RBFOX1: variants seen among roughly 807,000 people sequenced by gnomAD.
The protein encoded by RBFOX1 is RNA binding fox-1 homolog 1.
A neutral mutation model predicts 57.7 loss-of-function variants in RBFOX1; 8 were observed. That is an observed-to-expected ratio of 0.14 (90% CI 0.08 to 0.25). RBFOX1 has a LOEUF of 0.25. Ranked by LOEUF, RBFOX1 falls within the 10% of genes least tolerant of loss-of-function variation. The pLI, the probability that RBFOX1 is intolerant of heterozygous loss-of-function variation, is 1.00. For synonymous variants in RBFOX1, 326 were observed against 222.4 expected (o/e 1.47, Z -4.15); for missense variants, 611 against 548.5 (o/e 1.11, Z -1.14).
At chr16:6,576,357 G>A (rs950459312) in intron 2 of RBFOX1, among the ~76,000 whole-genome samples, 1 of 152,190 alleles carries the variant, frequency 6.6e-6, no homozygotes, top group Non-Finnish European at 1.5e-5. Context: ...GGAAACCGGA[G>A]TACCCGGAGA....
chr16:6,231,029 T>A (rs1032333742), intron 1 of RBFOX1, among the ~76,000 whole-genome samples: 1 of 152,088 alleles, frequency 6.6e-6, no homozygotes, highest in Non-Finnish European at 1.5e-5. Flanking sequence ...TTGTGGTACA[T>A]GTTAGGTATG....
intron 1 of RBFOX1, among the ~76,000 whole-genome samples, chr16:5,358,696 G>A (rs1032617744): frequency 1.3e-5 from 2 of 152,154 alleles, no homozygotes; most frequent in Admixed American, 1.3e-4. Flanking sequence ...GGTGGCGCAT[G>A]TATGCCTATA....
chr16:6,805,152 C>T (rs964705162), intron 3 of RBFOX1, among the ~76,000 whole-genome samples: 1 of 152,050 alleles, frequency 6.6e-6, no homozygotes, highest in South Asian at 2.1e-4. Context: ...AAAGGCCCAG[C>T]AATAACAGAT....
At chr16:6,568,432 C>T (rs539158158) in intron 2 of RBFOX1, among the ~76,000 whole-genome samples, 10 of 152,092 alleles carry the variant, frequency 6.6e-5, no homozygotes, top group East Asian at 3.9e-4. Flanking sequence ...ACAGAGAAAG[C>T]GGGGAGAGAA....
intron 2 of RBFOX1, among the ~76,000 whole-genome samples, chr16:6,477,038 C>T (rs372602762): frequency 2.0e-5 from 3 of 152,204 alleles, no homozygotes; most frequent in South Asian, 2.1e-4. Context: ...GTTGCCTCTT[C>T]AGGCTCCACT....
At chr16:7,091,657 T>A (rs554172800) in intron 4 of RBFOX1, among the ~76,000 whole-genome samples, 2 of 152,228 alleles carry the variant, frequency 1.3e-5, no homozygotes, top group African/African-American at 2.4e-5. Context: ...CAGCCTGCTG[T>A]AAGCAAACTT....
intron 4 of RBFOX1, among the ~76,000 whole-genome samples, chr16:7,200,385 A>G (rs986657172): frequency 6.6e-6 from 1 of 152,236 alleles, no homozygotes; most frequent in Non-Finnish European, 1.5e-5. Flanking sequence ...ATCGTTAAGT[A>G]TCATCTTAGA....
At chr16:7,164,678 C>A (rs991891483) in intron 4 of RBFOX1, among the ~76,000 whole-genome samples, 1 of 152,170 alleles carries the variant, frequency 6.6e-6, no homozygotes, top group Non-Finnish European at 1.5e-5. Context: ...ATTTCAAAAT[C>A]GTGTGCACAT....
chr16:6,487,700 A>AATATATATAT (rs1277585706), intron 2 of RBFOX1, among the ~76,000 whole-genome samples: 1 of 16,282 alleles, frequency 6.1e-5, no homozygotes. Context: ...AAAAAAAAAA[A>AATATATATAT]ATATATATAT....
intron 3 of RBFOX1, among the ~76,000 whole-genome samples, chr16:5,733,238 T>A (rs2052447925): frequency 6.6e-6 from 1 of 152,200 alleles, no homozygotes; most frequent in Non-Finnish European, 1.5e-5. Flanking sequence ...TTTCTAAACT[T>A]TCACTTTGGC....
At chr16:7,063,987 A>G (rs1475909605) in intron 4 of RBFOX1, among the ~76,000 whole-genome samples, 3 of 152,174 alleles carry the variant, frequency 2.0e-5, no homozygotes, top group Admixed American at 6.5e-5. Flanking sequence ...AGGAACAACT[A>G]TACTAAATTA....
chr16:7,371,842 A>G (rs1327965310), intron 4 of RBFOX1, among the ~76,000 whole-genome samples: 1 of 152,238 alleles, frequency 6.6e-6, no homozygotes, highest in East Asian at 1.9e-4. Context: ...AAGCCACATC[A>G]GTCTAAATGC....
At chr16:6,284,869 A>T (rs796904403) in intron 1 of RBFOX1, among the ~76,000 whole-genome samples, 2 of 152,294 alleles carry the variant, frequency 1.3e-5, no homozygotes, top group African/African-American at 4.8e-5. Flanking sequence ...TCTTCTCATT[A>T]AAGGCTTATT....
rs1335330832 is a variant in RBFOX1 at position 6,054,470 on chromosome 16, A to C, written c.-127+34478A>C. ...GTTTCCTGTCTTTCCCACTTGACAG[A>C]CTAACTCCGGCTTTGAGAGTAAATG... On this transcript the variant is annotated intron_variant, in intron 1 of 15. Coordinates refer to ENST00000550418, the MANE Select transcript of RBFOX1 (RefSeq NM_018723.4). 2.0e-5 allele frequency among the ~76,000 whole-genome samples: 3 copies of C among 152,194 alleles called. No individual in the cohort carries two copies. In the East Asian group the frequency reaches 5.8e-4, roughly 29 times the overall value.
intron 3 of RBFOX1, among the ~76,000 whole-genome samples, chr16:5,805,207 G>C (rs577899152): frequency 1.3e-5 from 2 of 152,254 alleles, no homozygotes; most frequent in South Asian, 2.1e-4. Flanking sequence ...GAAACACTGT[G>C]TTCAGCCCTG....
chr16:7,072,765 C>T (rs891803432), intron 4 of RBFOX1, among the ~76,000 whole-genome samples: 1 of 152,224 alleles, frequency 6.6e-6, no homozygotes, highest in South Asian at 2.1e-4. Context: ...CAGCACAGAG[C>T]TGTGATCCTT....
chr16:5,643,094 G>T (rs2151335204), intron 3 of RBFOX1, among the ~76,000 whole-genome samples: 2 of 152,240 alleles, frequency 1.3e-5, no homozygotes, highest in Middle Eastern at 3.4e-3. Flanking sequence ...GAGGCTCCGT[G>T]TTAACCTCTA....
intron 2 of RBFOX1, among the ~76,000 whole-genome samples, chr16:6,645,859 G>C (rs903127509): frequency 6.6e-6 from 1 of 152,088 alleles, no homozygotes; most frequent in Non-Finnish European, 1.5e-5. Context: ...CTTACAAATA[G>C]GGAAAGTGAG....
intron 2 of RBFOX1, among the ~76,000 whole-genome samples, chr16:5,482,033 A>G (rs1016054941): frequency 6.6e-6 from 1 of 152,204 alleles, no homozygotes; most frequent in Non-Finnish European, 1.5e-5. Flanking sequence ...TCAGCCCATA[A>G]CAGCCTCTTC....
Sources: allele counts gnomAD v4.1 joint callset (sites outside exome capture counted in the v4.1 genomes callset), GRCh38; gene constraint gnomAD v4.1.1; transcripts MANE v1.5; gene names NCBI Gene and HGNC (gene_info 2026-07-23, HGNC 2026-07-21).